Variants in UBE2W observed in about 807,000 individuals in gnomAD.
The protein encoded by UBE2W is ubiquitin-conjugating enzyme E2 W.
Under a neutral mutation model 27.2 loss-of-function variants are expected in UBE2W, and 18 were observed. That is an observed-to-expected ratio of 0.66 (90% CI 0.46 to 0.98). The LOEUF is 0.98. Ranked by LOEUF, UBE2W falls within the 50% of genes least tolerant of loss-of-function variation. The pLI, the probability that UBE2W is intolerant of heterozygous loss-of-function variation, is 0.00. For synonymous variants in UBE2W, 53 were observed against 57.2 expected (o/e 0.93, Z 0.33); for missense variants, 90 against 180.2 (o/e 0.50, Z 2.87).
chr8:73,871,803 A>G (rs185937387), intron 1 of UBE2W, among the ~76,000 whole-genome samples: 27 of 152,322 alleles, frequency 1.8e-4, no homozygotes, highest in Admixed American at 1.7e-3. Flanking sequence ...ATGCCAGATC[A>G]TCCCTTTATT....
At chr8:73,837,729 T>G (rs1204776267) in intron 1 of UBE2W, among the ~76,000 whole-genome samples, 1 of 152,174 alleles carries the variant, frequency 6.6e-6, no homozygotes, top group Admixed American at 6.5e-5. Context: ...CGCAAGCCAT[T>G]GCACCCCCAG....
chr8:73,829,334 T>C (rs192982710), intron 2 of UBE2W, among the ~76,000 whole-genome samples: 2 of 152,136 alleles, frequency 1.3e-5, no homozygotes, highest in Admixed American at 1.3e-4. Context: ...TACTCTGAGG[T>C]AGGTTAAGAA....
intron 3 of UBE2W, among the ~76,000 whole-genome samples, chr8:73,813,083 C>CAAAAA (rs56094830): frequency 0.19 from 8,224 of 43,442 alleles, 2,457 homozygotes; most frequent in Middle Eastern, 0.28. Flanking sequence ...GAAAGTGCCA[C>CAAAAA]AAAAAAAAAA....
At position 73,789,112 on chromosome 8, in the gene UBE2W, A is replaced by G. The variant is rs1337553129; in HGVS notation, c.*4990T>C. ...CTTCAACTTTCAGGATAGAGAGCTA[A>G]GTTTCAAGTACATGTCTAGATTCTA... On this transcript the variant is annotated 3_prime_UTR_variant, in exon 6 of 6. Coordinates refer to ENST00000602593, the MANE Select transcript of UBE2W (RefSeq NM_018299.6). 1.4e-5 allele frequency: 14 copies of G among 985,060 alleles called. No homozygotes were observed. Among genetic ancestry groups the G allele is most frequent in the Non-Finnish European group, 1.7e-5 (14 of 829,890 alleles). The allele number at this position is 985,060 out of a possible 1,614,324, so 61.0% of individuals were successfully genotyped here. A position where few individuals can be genotyped will look rare whatever the true frequency, so the allele number is the denominator to read the frequency against.
At chr8:73,826,522 T>C (rs1336249045) in intron 2 of UBE2W, among the ~76,000 whole-genome samples, 1 of 152,172 alleles carries the variant, frequency 6.6e-6, no homozygotes, top group African/African-American at 2.4e-5. Flanking sequence ...GAACCTTGGA[T>C]TATGTAAAAT....
At chr8:73,845,679 C>T (rs1029842486) in intron 1 of UBE2W, among the ~76,000 whole-genome samples, 3 of 151,046 alleles carry the variant, frequency 2.0e-5, no homozygotes, top group African/African-American at 7.3e-5. Context: ...TCCCCCTCTC[C>T]GAGAAACACC....
intron 1 of UBE2W, among the ~76,000 whole-genome samples, chr8:73,845,567 TGCGGAAG>T (rs1810763469): frequency 6.6e-6 from 1 of 152,076 alleles, no homozygotes; most frequent in East Asian, 1.9e-4. Context: ...ACACAAACAT[TGCGGAAG>T]GCGGCAGGGC....
At chr8:73,869,764 T>TGAGGCAG (rs1297658888) in intron 1 of UBE2W, among the ~76,000 whole-genome samples, 1 of 152,002 alleles carries the variant, frequency 6.6e-6, no homozygotes, top group Non-Finnish European at 1.5e-5. Context: ...TTACGGAGGC[T>TGAGGCAG]GAGGCAGGAG....
intron 3 of UBE2W, among the ~76,000 whole-genome samples, chr8:73,821,654 T>C (rs1323183796): frequency 6.8e-6 from 1 of 147,708 alleles, no homozygotes; most frequent in Non-Finnish European, 1.5e-5. Flanking sequence ...TGAAAGGATG[T>C]AGGAATTCAA....
intron 1 of UBE2W, among the ~76,000 whole-genome samples, chr8:73,835,118 A>C (rs1304084184): frequency 6.6e-6 from 1 of 152,164 alleles, no homozygotes; most frequent in Non-Finnish European, 1.5e-5. Flanking sequence ...AAGGAGAATC[A>C]ATCTGCATAA....
At chr8:73,859,012 G>T (rs1188369803) in intron 1 of UBE2W, among the ~76,000 whole-genome samples, 1 of 148,086 alleles carries the variant, frequency 6.8e-6, no homozygotes, top group African/African-American at 2.6e-5. Flanking sequence ...GTGTGTGTGT[G>T]TGTGTGGTGG....
chr8:73,787,033 A>G lies in UBE2W; in HGVS notation c.*7069T>C, dbSNP rs190951204. The G allele has an allele frequency of 3.3e-4, 326 of 985,404 alleles. 2 individuals are homozygous for G. The South Asian group carries it at 6.5e-3, about 20-fold the overall frequency. The allele number at this position is 985,404 out of a possible 1,614,324, so 61.0% of individuals were successfully genotyped here. ...GAAGGCCAGATACAGACATGAGAAG[A>G]TATTTCCTACCTTAGTTGATAAACT... On this transcript the variant is annotated 3_prime_UTR_variant, in exon 6 of 6. Transcript: ENST00000602593.
intron 1 of UBE2W, among the ~76,000 whole-genome samples, chr8:73,834,802 G>A (rs1219878963): frequency 3.9e-5 from 6 of 152,044 alleles, no homozygotes; most frequent in African/African-American, 1.4e-4. Context: ...CCAGCTACTC[G>A]GGAGGCTGAG....
chr8:73,837,313 G>A (rs1369914552), intron 1 of UBE2W, among the ~76,000 whole-genome samples: 6 of 152,228 alleles, frequency 3.9e-5, no homozygotes, highest in African/African-American at 1.4e-4. Context: ...AGGAGTTCGA[G>A]ATCAGCCTGG....
chr8:73,872,260 T>C (rs573230163), intron 1 of UBE2W, among the ~76,000 whole-genome samples: 52 of 152,328 alleles, frequency 3.4e-4, no homozygotes, highest in African/African-American at 1.0e-3. Flanking sequence ...CCGTAAATAT[T>C]TGTCCATTAC....
intron 1 of UBE2W, among the ~76,000 whole-genome samples, chr8:73,850,706 G>C (rs953327054): frequency 4.1e-5 from 5 of 123,340 alleles, no homozygotes; most frequent in African/African-American, 1.5e-4. Flanking sequence ...GAAATAGTGA[G>C]GTACAATCAG....
chr8:73,869,246 T>C lies in UBE2W; in HGVS notation c.15+9562A>G, dbSNP rs147055853. The stretch of plus-strand genomic sequence containing the variant: ...TTCAAGATCAGCCTCGGCAACACAG[T>C]GAATCTGTCTATATAAAAGCTTTTT... On this transcript the variant is annotated intron_variant, in intron 1 of 5. Coordinates refer to ENST00000602593, the MANE Select transcript of UBE2W (RefSeq NM_018299.6). Among the ~76,000 whole-genome samples, 4 of 152,218 alleles carry C rather than the reference T, an allele frequency of 2.6e-5. No individual in the cohort carries two copies. In the East Asian group the frequency reaches 7.7e-4, roughly 29 times the overall value.
chr8:73,830,381 T>C lies in UBE2W; in HGVS notation c.107A>G (p.Gln36Arg), dbSNP rs1810022716. The C allele has an allele frequency of 2.5e-6, 4 of 1,606,550 alleles. No homozygotes were observed. Among genetic ancestry groups the C allele is most frequent in the Non-Finnish European group, 2.6e-6 (3 of 1,173,814 alleles). ...AGCCCTTTTAAAATTAAATACTTAC[T>C]GTGTAATTGAATTTTGAACACTCTT... Reference protein sequence around the residue: ...NEKSVQNSITQWIVDMEGAPG... With the variant: ...NEKSVQNSITRWIVDMEGAPG... Residue 36 changes from glutamine (Q) to arginine (R), a missense_variant and splice_region_variant, in exon 2 of 6, where the codon CAG becomes CGG. Transcript: ENST00000602593.
intron 5 of UBE2W, among the ~76,000 whole-genome samples, chr8:73,797,192 A>G (rs1263471284): frequency 3.3e-5 from 5 of 152,166 alleles, no homozygotes; most frequent in African/African-American, 1.2e-4. Context: ...CTATATTAGA[A>G]GAAGGTCATT....
Sources: gnomAD v4.1 joint callset for allele counts (sites outside exome capture counted in the v4.1 genomes callset) on GRCh38, gnomAD v4.1.1 for gene constraint, MANE v1.5 for transcripts, NCBI Gene and HGNC (gene_info 2026-07-23, HGNC 2026-07-21) for gene names.